Variants in DLGAP1 observed in about 807,000 individuals in gnomAD.
DLGAP1 encodes disks large-associated protein 1.
DLGAP1 carries 11 observed loss-of-function variants against 90.8 expected under a neutral mutation model. The ratio of observed to expected loss-of-function variants is 0.12; its 90% CI spans 0.08 to 0.20. The LOEUF is 0.20. DLGAP1 is among the 10% of genes least tolerant of loss of function. The probability of loss-of-function intolerance (pLI) is 1.00; values close to 1 mark genes in which losing one functional copy is unlikely to be tolerated. For missense variants in DLGAP1, 1,050 were observed against 1,333.8 expected (o/e 0.79, Z 3.31); for synonymous variants, 558 against 540.7 (o/e 1.03, Z -0.44).
At chr18:3,552,929 C>G (rs2053556319) in intron 9 of DLGAP1, among the ~76,000 whole-genome samples, 1 of 151,922 alleles carries the variant, frequency 6.6e-6, no homozygotes, top group African/African-American at 2.4e-5. Context: ...TCGGTTGTCA[C>G]TTCCATATCT....
At chr18:4,025,845 C>A (rs2074690670) in intron 2 of DLGAP1, among the ~76,000 whole-genome samples, 1 of 151,940 alleles carries the variant, frequency 6.6e-6, no homozygotes, top group Non-Finnish European at 1.5e-5. Context: ...TTTTTAAAAG[C>A]CAAGTGAATA....
At position 3,602,313 on chromosome 18, in the gene DLGAP1, TGGCCG is replaced by T. The variant is rs1195548242; in HGVS notation, c.1592-20070_1592-20066del. Among the ~76,000 whole-genome samples, 3 of 152,054 alleles carry T rather than the reference TGGCCG, an allele frequency of 2.0e-5. No homozygotes were observed. The East Asian group carries it at 5.8e-4, about 29-fold the overall frequency. The stretch of plus-strand genomic sequence containing the variant: ...TTTGAATTAAAGAATAATCTTGTTT[TGGCCG>T]GGCGCGGTGGCTCACGCCTGTCATC... On this transcript the variant is annotated intron_variant, in intron 7 of 12. Coordinates refer to ENST00000315677, the MANE Select transcript of DLGAP1 (RefSeq NM_004746.4).
chr18:3,858,994 G>A (rs1178556501), intron 4 of DLGAP1, among the ~76,000 whole-genome samples: 1 of 152,164 alleles, frequency 6.6e-6, no homozygotes, highest in Non-Finnish European at 1.5e-5. Flanking sequence ...TATATTTTAA[G>A]TGAGATGTTA....
intron 2 of DLGAP1, among the ~76,000 whole-genome samples, chr18:4,012,694 T>C (rs1250511188): frequency 6.6e-6 from 1 of 151,956 alleles, no homozygotes; most frequent in African/African-American, 2.4e-5. Context: ...TCTTTGACTA[T>C]CTTGTTAACA....
At chr18:4,075,269 C>G (rs1363586496) in intron 2 of DLGAP1, among the ~76,000 whole-genome samples, 2 of 152,168 alleles carry the variant, frequency 1.3e-5, no homozygotes, top group Non-Finnish European at 2.9e-5. Context: ...AATCTTCAAA[C>G]ACTTTAATAC....
intron 1 of DLGAP1, among the ~76,000 whole-genome samples, chr18:4,336,975 G>C (rs553250732): frequency 6.6e-6 from 1 of 150,730 alleles, no homozygotes; most frequent in African/African-American, 2.4e-5. Flanking sequence ...TTAGCCGGGC[G>C]TGGTGGCTGG....
intron 7 of DLGAP1, among the ~76,000 whole-genome samples, chr18:3,631,816 G>A (rs1176114033): frequency 6.6e-6 from 1 of 152,064 alleles, no homozygotes; most frequent in African/African-American, 2.4e-5. Flanking sequence ...TTTTCAAGAC[G>A]AGGTCTCGCT....
chr18:3,852,367 G>C (rs992348564), intron 4 of DLGAP1, among the ~76,000 whole-genome samples: 6 of 152,190 alleles, frequency 3.9e-5, no homozygotes, highest in Admixed American at 3.9e-4. Flanking sequence ...TCAGCAAAGA[G>C]TGGAGCAGGA....
At chr18:4,351,858 A>G (rs1445486321) in intron 1 of DLGAP1, among the ~76,000 whole-genome samples, 1 of 152,212 alleles carries the variant, frequency 6.6e-6, no homozygotes, top group Non-Finnish European at 1.5e-5. Flanking sequence ...TGCTCTAGTA[A>G]GAAGATTGTT....
At chr18:3,625,289 A>C (rs1305825483) in intron 7 of DLGAP1, among the ~76,000 whole-genome samples, 1 of 152,198 alleles carries the variant, frequency 6.6e-6, no homozygotes, top group Non-Finnish European at 1.5e-5. Context: ...GCAGTTGCAC[A>C]GACAGTTTCT....
At chr18:3,585,872 A>T (rs77719000) in intron 7 of DLGAP1, among the ~76,000 whole-genome samples, 1 of 152,220 alleles carries the variant, frequency 6.6e-6, no homozygotes, top group Non-Finnish European at 1.5e-5. Flanking sequence ...TGTGACATAC[A>T]GTAAAAATCC....
chr18:3,987,173 G>A (rs542578866), intron 3 of DLGAP1, among the ~76,000 whole-genome samples: 1 of 152,226 alleles, frequency 6.6e-6, no homozygotes, highest in East Asian at 1.9e-4. Flanking sequence ...TCTGTCAAAT[G>A]GTAGAGTGCC....
chr18:3,955,600 G>C (rs1159300110), intron 3 of DLGAP1, among the ~76,000 whole-genome samples: 1 of 152,084 alleles, frequency 6.6e-6, no homozygotes. Context: ...TGTAATACCA[G>C]CTACTCGGGA....
At chr18:4,414,181 A>ATAT (rs2082841100) in intron 1 of DLGAP1, among the ~76,000 whole-genome samples, 1 of 111,888 alleles carries the variant, frequency 8.9e-6, no homozygotes, top group Non-Finnish European at 1.8e-5. Flanking sequence ...TAGAATACAA[A>ATAT]CATTCAATAA....
intron 3 of DLGAP1, among the ~76,000 whole-genome samples, chr18:3,998,641 A>G (rs1251312273): frequency 6.6e-6 from 1 of 152,176 alleles, no homozygotes; most frequent in Non-Finnish European, 1.5e-5. Flanking sequence ...TTCATCATGA[A>G]TTCATGATGT....
intron 1 of DLGAP1, among the ~76,000 whole-genome samples, chr18:4,232,757 A>G (rs2078327226): frequency 6.6e-6 from 1 of 152,128 alleles, no homozygotes; most frequent in Non-Finnish European, 1.5e-5. Context: ...CTCATATGGG[A>G]CTTAGGGCAG....
intron 4 of DLGAP1, among the ~76,000 whole-genome samples, chr18:3,817,232 T>C (rs1598864875): frequency 1.3e-5 from 2 of 152,354 alleles, no homozygotes; most frequent in East Asian, 1.9e-4. Flanking sequence ...TTAGCTCATA[T>C]GGCTTATGCA....
At chr18:4,093,000 T>G (rs2075612349) in intron 2 of DLGAP1, among the ~76,000 whole-genome samples, 1 of 152,216 alleles carries the variant, frequency 6.6e-6, no homozygotes, top group African/African-American at 2.4e-5. Context: ...TGGAGGAGCT[T>G]GTCTTTCTTA....
At chr18:3,546,123 A>G (rs2052999006) in intron 9 of DLGAP1, among the ~76,000 whole-genome samples, 1 of 152,188 alleles carries the variant, frequency 6.6e-6, no homozygotes, top group South Asian at 2.1e-4. Flanking sequence ...GCATTTATAG[A>G]GCACTCCACT....
Sources: gnomAD v4.1 joint callset for allele counts (sites outside exome capture counted in the v4.1 genomes callset) on GRCh38, gnomAD v4.1.1 for gene constraint, MANE v1.5 for transcripts, NCBI Gene and HGNC (gene_info 2026-07-23, HGNC 2026-07-21) for gene names.